The following SLC25A13 variants were observed in gnomAD, a reference collection of about 807,000 sequenced individuals.
SLC25A13 encodes solute carrier family 25 member 13, also known as electrogenic aspartate/glutamate antiporter SLC25A13, mitochondrial.
Under a neutral mutation model 85.5 loss-of-function variants are expected in SLC25A13, and 70 were observed. The observed-to-expected ratio is 0.82, with a 90% CI of 0.68 to 1.00. SLC25A13 has a LOEUF of 1.00. Ranked by LOEUF, SLC25A13 falls within the 50% of genes least tolerant of loss-of-function variation. The pLI is 0.00. For missense variants in SLC25A13, 765 were observed against 819.8 expected, an observed-to-expected ratio of 0.93 and a Z score of 0.82; for synonymous variants, 259 against 288.7, an observed-to-expected ratio of 0.90 and a Z score of 1.04.
At chr7:96,241,490 T>C (rs973843008) in intron 3 of SLC25A13, among the ~76,000 whole-genome samples, 8 of 152,204 alleles carry the variant, frequency 5.3e-5, no homozygotes, top group Non-Finnish European at 1.2e-4. Flanking sequence ...AACAAATCCA[T>C]GGTAGTAAGT....
chr7:96,171,340 G>T, intron 12 of SLC25A13, 132 bp downstream of exon 12: 1 of 782,530 alleles, frequency 1.3e-6, no homozygotes, highest in Non-Finnish European at 2.2e-6. Flanking sequence ...AATGTGTGTG[G>T]TGAGTTCCCC....
chr7:96,144,521 A>G (rs1452559182), intron 14 of SLC25A13, among the ~76,000 whole-genome samples: 1 of 152,236 alleles, frequency 6.6e-6, no homozygotes, highest in African/African-American at 2.4e-5. Flanking sequence ...CTTCTGAACT[A>G]GATTAAACTA....
At chr7:96,303,870 C>T (rs774239418) in intron 1 of SLC25A13, among the ~76,000 whole-genome samples, 1 of 151,996 alleles carries the variant, frequency 6.6e-6, no homozygotes, top group Non-Finnish European at 1.5e-5. Flanking sequence ...AGAGCTCAAC[C>T]TCAAGTCTGT....
chr7:96,172,897 T>G (rs1186414329), intron 11 of SLC25A13, among the ~76,000 whole-genome samples: 1 of 152,126 alleles, frequency 6.6e-6, no homozygotes, highest in African/African-American at 2.4e-5. Flanking sequence ...TAGCTGGGAC[T>G]ATAGGCGCCT....
chr7:96,137,549 G>A (rs74775858), intron 14 of SLC25A13, among the ~76,000 whole-genome samples: 3 of 152,132 alleles, frequency 2.0e-5, no homozygotes, highest in Admixed American at 6.5e-5. Flanking sequence ...ATGGTACAGA[G>A]GAATGTTATC....
At position 96,169,198 on chromosome 7, in the gene SLC25A13, T is replaced by C. The variant is rs189564637; in HGVS notation, c.1311+847A>G. Among the ~76,000 whole-genome samples the C allele has an allele frequency of 3.3e-5, 5 of 152,234 alleles. No individual in the cohort carries two copies. The East Asian group carries it at 7.7e-4, about 24-fold the overall frequency. On this transcript the variant is annotated intron_variant, in intron 13 of 17. Transcript: ENST00000265631. ...CAATAAGCCCTTTCCACACAAACAT[T>C]GCCCAACGTCTACATTCAAGGATCT...
At chr7:96,121,584 G>A in intron 17 of SLC25A13, 71 bp downstream of exon 17, 3 of 1,484,548 alleles carry the variant, frequency 2.0e-6, no homozygotes, top group Non-Finnish European at 2.8e-6. Flanking sequence ...CTAGACTGAG[G>A]TACCTTTCCC....
At chr7:96,216,576 G>T (rs917650969) in intron 4 of SLC25A13, among the ~76,000 whole-genome samples, 1 of 152,160 alleles carries the variant, frequency 6.6e-6, no homozygotes, top group Non-Finnish European at 1.5e-5. Flanking sequence ...CCATAAAAAA[G>T]AATGAGATCA....
intron 3 of SLC25A13, among the ~76,000 whole-genome samples, chr7:96,244,736 T>TTC (rs1252052162): frequency 6.6e-6 from 1 of 152,236 alleles, no homozygotes; most frequent in Non-Finnish European, 1.5e-5. Context: ...CTCTACTATG[T>TTC]ACTCTGGTTC....
chr7:96,305,359 T>C lies in SLC25A13; in HGVS notation c.16-8408A>G, dbSNP rs576047858. Among the ~76,000 whole-genome samples the C allele has an allele frequency of 9.2e-5, 14 of 152,374 alleles. No homozygotes were observed. In the East Asian group the frequency reaches 2.7e-3, roughly 29 times the overall value. ...TAACCAATTTAAAATAAATTCTTTT[T>C]AATTTGGCATTATGATTCATAAATG... is the stretch of plus-strand genomic sequence containing the variant. On this transcript the variant is annotated intron_variant, in intron 1 of 17. Transcript: ENST00000265631.
intron 13 of SLC25A13, among the ~76,000 whole-genome samples, chr7:96,149,122 T>G (rs933986050): frequency 6.6e-6 from 1 of 152,220 alleles, no homozygotes; most frequent in Non-Finnish European, 1.5e-5. Flanking sequence ...CCATGTGCAG[T>G]GAGGCTGAGA....
intron 5 of SLC25A13, among the ~76,000 whole-genome samples, chr7:96,195,520 C>T (rs1402811462): frequency 6.6e-6 from 1 of 152,164 alleles, no homozygotes; most frequent in African/African-American, 2.4e-5. Flanking sequence ...TGTGGTCTAC[C>T]ATGCACACAT....
intron 11 of SLC25A13, among the ~76,000 whole-genome samples, chr7:96,178,287 C>CGCTAGCAGGACCACAGAGGTGGAGGGGCT (rs1794300746): frequency 6.6e-6 from 1 of 152,072 alleles, no homozygotes; most frequent in Non-Finnish European, 1.5e-5. Context: ...CGCTGGGCAA[C>CGCTAGCAGGACCACAGAGGTGGAGGGGCT]GCTAGCAGGA....
At chr7:96,210,272 A>T (rs1195259700) in intron 4 of SLC25A13, among the ~76,000 whole-genome samples, 1 of 152,240 alleles carries the variant, frequency 6.6e-6, no homozygotes, top group African/African-American at 2.4e-5. Context: ...TGAGGACAAT[A>T]AAAGTTTTAA....
chr7:96,140,402 T>G (rs1226070090), intron 14 of SLC25A13, among the ~76,000 whole-genome samples: 25 of 54,368 alleles, frequency 4.6e-4, no homozygotes, highest in African/African-American at 2.2e-3. Flanking sequence ...ATCTCCTTTT[T>G]TTTTTTTTTT....
intron 3 of SLC25A13, among the ~76,000 whole-genome samples, chr7:96,256,014 CA>C (rs1797619592): frequency 6.6e-6 from 1 of 152,100 alleles, no homozygotes; most frequent in Non-Finnish European, 1.5e-5. Flanking sequence ...ACTTTACAGA[CA>C]AGCAAATTCT....
intron 3 of SLC25A13, among the ~76,000 whole-genome samples, chr7:96,244,062 G>C (rs1019414584): frequency 7.2e-5 from 11 of 152,176 alleles, no homozygotes; most frequent in African/African-American, 2.7e-4. Context: ...CTGGGTCGTA[G>C]CAAGAGAACC....
chr7:96,286,284 CAAA>C (rs34958208), intron 2 of SLC25A13, among the ~76,000 whole-genome samples: 11 of 109,298 alleles, frequency 1.0e-4, no homozygotes, highest in Admixed American at 2.0e-4. Context: ...GACTCCATCT[CAAA>C]AAAAAAAAAA....
intron 14 of SLC25A13, among the ~76,000 whole-genome samples, chr7:96,141,692 T>C (rs1168316675): frequency 6.6e-6 from 1 of 152,206 alleles, no homozygotes; most frequent in Non-Finnish European, 1.5e-5. Context: ...CAAAGTAGAC[T>C]AAACAACTGC....
Sources: allele counts gnomAD v4.1 joint callset (sites outside exome capture counted in the v4.1 genomes callset), GRCh38; gene constraint gnomAD v4.1.1; transcripts MANE v1.5; gene names NCBI Gene and HGNC (gene_info 2026-07-23, HGNC 2026-07-21).